The following DAB1 variants were observed in gnomAD, a reference collection of about 807,000 sequenced individuals.
DAB1 encodes disabled homolog 1.
Under a neutral mutation model 64.6 loss-of-function variants are expected in DAB1, and 15 were observed. That is an observed-to-expected ratio of 0.23 (90% confidence interval 0.16 to 0.36). The LOEUF (loss-of-function observed/expected upper bound fraction) is 0.36. Among genes scored for constraint, DAB1 ranks in the 10% least tolerant of loss-of-function variants. DAB1 has a pLI of 1.00. For synonymous variants in DAB1, 235 were observed against 251.9 expected (o/e 0.93, Z 0.64); for missense variants, 596 against 706.7 (o/e 0.84, Z 1.78).
At chr1:58,481,194 TA>T (rs781673594) in intron 3 of DAB1, 50 of 754,546 alleles carry the variant, frequency 6.6e-5, no homozygotes, top group Middle Eastern at 6.9e-4. Context: ...AATAATAAAA[TA>T]AAAAAATACT....
chr1:57,686,184 A>C (rs1646695409), intron 6 of DAB1, among the ~76,000 whole-genome samples: 1 of 152,202 alleles, frequency 6.6e-6, no homozygotes, highest in Non-Finnish European at 1.5e-5. Context: ...AGGAAGATCC[A>C]AATAAGTATA....
chr1:57,552,245 A>C (rs188476928), intron 7 of DAB1, among the ~76,000 whole-genome samples: 1 of 152,200 alleles, frequency 6.6e-6, no homozygotes, highest in Admixed American at 6.5e-5. Flanking sequence ...ATAAGTCCCA[A>C]TTTAAGGCTA....
At chr1:57,884,259 CAGGGTG>C (rs1025836603), upstream of DAB1, 22 of 152,228 alleles carry the variant, frequency 1.4e-4, no homozygotes, top group African/African-American at 4.3e-4. Context: ...GTGAATGGTT[CAGGGTG>C]AAGTGTATGA....
intron 1 of DAB1, among the ~76,000 whole-genome samples, chr1:57,351,058 G>T (rs1028099916): frequency 1.3e-5 from 2 of 152,172 alleles, no homozygotes; most frequent in African/African-American, 2.4e-5. Context: ...TGTGCCACTT[G>T]TTTCATGTCC....
chr1:57,783,873 G>C (rs76923161), intron 6 of DAB1, among the ~76,000 whole-genome samples: 1,610 of 152,266 alleles, frequency 0.011, 30 homozygotes, highest in South Asian at 0.036. Context: ...TGTTTTGGCT[G>C]CTCCACCAAC....
intron 7 of DAB1, among the ~76,000 whole-genome samples, chr1:57,622,190 C>T (rs1205958461): frequency 6.6e-6 from 1 of 152,148 alleles, no homozygotes; most frequent in East Asian, 1.9e-4. Flanking sequence ...AACGTTTCTA[C>T]CCATTAGAAG....
At chr1:58,247,178 GAGA>G (rs1383881541) in intron 4 of DAB1, among the ~76,000 whole-genome samples, 7 of 152,016 alleles carry the variant, frequency 4.6e-5, no homozygotes, top group African/African-American at 1.5e-4. Flanking sequence ...GGCTGGAGAG[GAGA>G]AGATTAATTG....
At chr1:58,460,141 G>C (rs1462196256) in intron 3 of DAB1, among the ~76,000 whole-genome samples, 1 of 152,192 alleles carries the variant, frequency 6.6e-6, no homozygotes, top group Non-Finnish European at 1.5e-5. Flanking sequence ...TTTGAGCAGA[G>C]AGCATGGATG....
intron 5 of DAB1, among the ~76,000 whole-genome samples, chr1:57,952,771 C>T (rs1645305641): frequency 6.6e-6 from 1 of 152,162 alleles, no homozygotes; most frequent in African/African-American, 2.4e-5. Context: ...ATCAGCTCAA[C>T]TCATAGGAGG....
chr1:57,917,085 T>C (rs1644737796), intron 5 of DAB1, among the ~76,000 whole-genome samples: 1 of 152,228 alleles, frequency 6.6e-6, no homozygotes, highest in South Asian at 2.1e-4. Context: ...CTCCTAGTTG[T>C]ACCTAGAAGG....
intron 2 of DAB1, among the ~76,000 whole-genome samples, chr1:57,263,077 C>G (rs1670307485): frequency 6.6e-6 from 1 of 152,060 alleles, no homozygotes. Context: ...TTAGTTAAGC[C>G]CCTTGGGTCT....
rs141932052 is a variant in DAB1, at chr1:57,394,282, A to G, written c.-137+29648T>C. 1.7e-3 allele frequency among the ~76,000 whole-genome samples: 254 copies of G among 152,312 alleles called. 1 individual carries two copies. Among genetic ancestry groups the G allele is most frequent in the African/African-American group, 5.7e-3 (238 of 41,564 alleles). On this transcript the variant is annotated intron_variant, in intron 1 of 14. Transcript: ENST00000371236. ...AACGGGCGTTGTGTTGCAAAGACAAACTGCTGAAGGCAGAGAGCTTCGAAA... is the reference window on the plus strand; with the variant it reads ...AACGGGCGTTGTGTTGCAAAGACAAGCTGCTGAAGGCAGAGAGCTTCGAAA...
chr1:57,478,586 CT>C (rs35538831), intron 7 of DAB1, among the ~76,000 whole-genome samples: 2,370 of 81,170 alleles, frequency 0.029, 12 homozygotes, highest in African/African-American at 0.11. Flanking sequence ...TATTCCCATT[CT>C]TTTTTTTTTT....
At chr1:57,402,703 TG>T (rs1489350216) in intron 1 of DAB1, among the ~76,000 whole-genome samples, 1 of 152,226 alleles carries the variant, frequency 6.6e-6, no homozygotes, top group African/African-American at 2.4e-5. Flanking sequence ...GTTAACTCTC[TG>T]GGGCATAGTT....
At chr1:57,985,043 G>A (rs1293987075) in intron 5 of DAB1, among the ~76,000 whole-genome samples, 3 of 152,100 alleles carry the variant, frequency 2.0e-5, no homozygotes, top group Non-Finnish European at 2.9e-5. Flanking sequence ...AAGTAGCTGG[G>A]ATTACAGGCG....
intron 2 of DAB1, among the ~76,000 whole-genome samples, chr1:58,510,009 A>G (rs1646049328): frequency 1.3e-5 from 2 of 152,142 alleles, no homozygotes; most frequent in Admixed American, 6.5e-5. Flanking sequence ...CCTCCCAACA[A>G]AGAAAAGCCC....
At chr1:57,094,108 CA>C (rs59491159) in intron 4 of DAB1, among the ~76,000 whole-genome samples, 2,462 of 112,622 alleles carry the variant, frequency 0.022, 40 homozygotes, top group Admixed American at 0.066. Flanking sequence ...GACTCTGCCT[CA>C]AAAAAAAAAA....
At chr1:57,063,015 C>A in intron 8 of DAB1, 72 bp from the exon 9 acceptor site, 2 of 1,352,996 alleles carry the variant, frequency 1.5e-6, no homozygotes, top group Non-Finnish European at 2.1e-6. Flanking sequence ...AGCAACCAGA[C>A]TTCAACTGCA....
At chr1:58,042,417 C>A (rs1570268184) in intron 5 of DAB1, among the ~76,000 whole-genome samples, 1 of 152,144 alleles carries the variant, frequency 6.6e-6, no homozygotes, top group African/African-American at 2.4e-5. Flanking sequence ...AGGAACATAG[C>A]AATGAATAAA....
Sources: gnomAD v4.1 joint callset for allele counts (sites outside exome capture counted in the v4.1 genomes callset) on GRCh38, gnomAD v4.1.1 for gene constraint, MANE v1.5 for transcripts, NCBI Gene and HGNC (gene_info 2026-07-23, HGNC 2026-07-21) for gene names.